The following EPHB1 variants were observed in gnomAD, a reference collection of about 807,000 sequenced individuals.
EPHB1 encodes the protein ephrin type-B receptor 1.
In EPHB1, 30 loss-of-function variants were observed where a neutral mutation model predicts 94.4. That is an observed-to-expected ratio of 0.32 (90% confidence interval 0.24 to 0.43). The LOEUF (loss-of-function observed/expected upper bound fraction) is 0.43, where lower values mean the gene tolerates loss of function less well. Ranked by LOEUF, EPHB1 falls within the 20% of genes least tolerant of loss-of-function variation. The pLI is 1.00. For synonymous variants in EPHB1, 522 were observed against 489.1 expected, an observed-to-expected ratio of 1.07 and a Z score of -0.89; for missense variants, 1,055 against 1,308.3, an observed-to-expected ratio of 0.81 and a Z score of 2.99.
At chr3:135,009,805 T>C (rs1318935706) in intron 3 of EPHB1, among the ~76,000 whole-genome samples, 1 of 152,260 alleles carries the variant, frequency 6.6e-6, no homozygotes, top group Non-Finnish European at 1.5e-5. Flanking sequence ...TAGAGCATTA[T>C]TTAAATCTGT....
At chr3:135,001,003 A>G (rs1340384102) in intron 3 of EPHB1, among the ~76,000 whole-genome samples, 1 of 152,030 alleles carries the variant, frequency 6.6e-6, no homozygotes, top group Non-Finnish European at 1.5e-5. Context: ...ATATGATTTG[A>G]TTATCATCAT....
At chr3:134,811,454 G>T (rs2036178948) in intron 1 of EPHB1, among the ~76,000 whole-genome samples, 1 of 151,862 alleles carries the variant, frequency 6.6e-6, no homozygotes, top group Non-Finnish European at 1.5e-5. Context: ...GGCCAGGCTG[G>T]TCTTGAACTC....
chr3:134,945,277 GTTTA>G (rs1323993158), intron 2 of EPHB1, among the ~76,000 whole-genome samples: 3 of 151,984 alleles, frequency 2.0e-5, no homozygotes, highest in Admixed American at 6.5e-5. Context: ...TTATCAATAT[GTTTA>G]TTTATGGCTT....
chr3:134,899,392 C>G (rs1236765820), intron 1 of EPHB1, among the ~76,000 whole-genome samples: 1 of 152,074 alleles, frequency 6.6e-6, no homozygotes, highest in Non-Finnish European at 1.5e-5. Flanking sequence ...GCTTGTTGAC[C>G]CCCCAAAACA....
At chr3:135,107,818 T>C (rs1259195798) in intron 4 of EPHB1, among the ~76,000 whole-genome samples, 1 of 152,166 alleles carries the variant, frequency 6.6e-6, no homozygotes, top group Non-Finnish European at 1.5e-5. Context: ...GAAAAGCTCA[T>C]CCTGTTGTAA....
chr3:134,833,645 G>A (rs2036617548), intron 1 of EPHB1, among the ~76,000 whole-genome samples: 1 of 152,230 alleles, frequency 6.6e-6, no homozygotes, highest in African/African-American at 2.4e-5. Flanking sequence ...GACTGAAGGA[G>A]GCAGAGTATG....
chr3:134,906,944 G>A (rs1173414183), intron 1 of EPHB1, among the ~76,000 whole-genome samples: 1 of 152,174 alleles, frequency 6.6e-6, no homozygotes, highest in Non-Finnish European at 1.5e-5. Flanking sequence ...GTCTCTTAAT[G>A]GTCTTCTAAG....
intron 2 of EPHB1, among the ~76,000 whole-genome samples, chr3:134,942,954 C>T (rs953993539): frequency 2.6e-5 from 4 of 152,148 alleles, no homozygotes; most frequent in African/African-American, 9.7e-5. Context: ...TTATCAAATG[C>T]TAAATTGCGT....
chr3:135,192,341 AC>A (rs928465799), intron 10 of EPHB1, among the ~76,000 whole-genome samples: 5 of 152,166 alleles, frequency 3.3e-5, no homozygotes, highest in Non-Finnish European at 7.4e-5. Flanking sequence ...CACTTTAGTT[AC>A]CCAAACTATT....
At chr3:135,043,683 C>T (rs1221248863) in intron 3 of EPHB1, among the ~76,000 whole-genome samples, 1 of 152,254 alleles carries the variant, frequency 6.6e-6, no homozygotes, top group African/African-American at 2.4e-5. Flanking sequence ...CCGGCTCCAT[C>T]CTGATACAGA....
intron 10 of EPHB1, among the ~76,000 whole-genome samples, chr3:135,192,131 A>G (rs143155337): frequency 7.2e-5 from 11 of 152,342 alleles, no homozygotes; most frequent in Admixed American, 3.3e-4. Flanking sequence ...GTAGGAACAT[A>G]AACAGTATAC....
intron 1 of EPHB1, among the ~76,000 whole-genome samples, chr3:134,868,906 T>C (rs904921683): frequency 6.6e-6 from 1 of 152,254 alleles, no homozygotes; most frequent in African/African-American, 2.4e-5. Flanking sequence ...TCCTGTACCA[T>C]TGCCGCTTGA....
intron 5 of EPHB1, among the ~76,000 whole-genome samples, chr3:135,145,159 A>G (rs1478688177): frequency 1.3e-5 from 2 of 152,196 alleles, no homozygotes; most frequent in Non-Finnish European, 1.5e-5. Context: ...AGATCCAGCT[A>G]TCTAAGCAGG....
At chr3:135,246,212 T>C (rs1943920371) in intron 13 of EPHB1, among the ~76,000 whole-genome samples, 2 of 152,172 alleles carry the variant, frequency 1.3e-5, no homozygotes, top group African/African-American at 2.4e-5. Context: ...GTTTGGACTC[T>C]AGCTCCTCCT....
chr3:135,120,942 C>T (rs527516265), intron 4 of EPHB1, among the ~76,000 whole-genome samples: 6 of 152,326 alleles, frequency 3.9e-5, no homozygotes, highest in African/African-American at 1.4e-4. Context: ...GCATCCCCAT[C>T]TCTCAGGAAT....
chr3:135,216,448 C>T (rs1009498830), intron 12 of EPHB1, among the ~76,000 whole-genome samples: 7 of 151,888 alleles, frequency 4.6e-5, no homozygotes, highest in African/African-American at 1.7e-4. Context: ...TTGAGCCGGG[C>T]ACGGTGGCTC....
At chr3:134,953,241 C>T (rs924072621) in intron 3 of EPHB1, among the ~76,000 whole-genome samples, 8 of 152,234 alleles carry the variant, frequency 5.3e-5, no homozygotes, top group Admixed American at 1.3e-4. Context: ...AAGTGCCAAG[C>T]AGGCTTGTTA....
Position 135,023,855 on chromosome 3 carries a change from T to C in EPHB1, c.805+71803T>C, listed in dbSNP as rs55747947. Among the ~76,000 whole-genome samples the C allele has an allele frequency of 8.3e-3, 1,267 of 152,334 alleles. 15 individuals carry two copies. The highest frequency in any genetic ancestry group is 0.013 in the Non-Finnish European group (883 of 68,030). The stretch of plus-strand genomic sequence containing the variant: ...CTATTTTATACCATTCTTCTTTTTA[T>C]GTGAATTTTCTCACCCTGTGCATGT... On this transcript the variant is annotated intron_variant, in intron 3 of 15. Transcript: ENST00000398015.
At chr3:135,243,083 AAAAAAAAAAAAG>A (rs1340206664) in intron 13 of EPHB1, among the ~76,000 whole-genome samples, 11 of 146,980 alleles carry the variant, frequency 7.5e-5, no homozygotes, top group Non-Finnish European at 1.7e-4. Context: ...TCAAAAAAAA[AAAAAAAAAAAAG>A]AAAAGAAAAG....
Sources: allele counts gnomAD v4.1 joint callset (sites outside exome capture counted in the v4.1 genomes callset), GRCh38; gene constraint gnomAD v4.1.1; transcripts MANE v1.5; gene names NCBI Gene and HGNC (gene_info 2026-07-23, HGNC 2026-07-21).